Variants in PCDHA9 observed in about 807,000 individuals in gnomAD.
The protein encoded by PCDHA9 is protocadherin alpha-9.
PCDHA9 carries 62 observed loss-of-function variants against 62.0 expected under a neutral mutation model. The observed-to-expected ratio is 1.00, with a 90% CI of 0.81 to 1.23. The LOEUF is 1.23. Ranked by LOEUF, PCDHA9 falls within the 50% of genes most tolerant of loss-of-function variation. PCDHA9 has a pLI of 0.00. For missense variants in PCDHA9, 1,205 were observed against 1,249.8 expected, an observed-to-expected ratio of 0.96 and a Z score of 0.54; for synonymous variants, 557 against 567.6, an observed-to-expected ratio of 0.98 and a Z score of 0.27.
chr5:140,883,075 T>A (rs969917261), intron 1 of PCDHA9: 8 of 1,614,134 alleles, frequency 5.0e-6, no homozygotes, highest in Non-Finnish European at 6.8e-6. Flanking sequence ...CCACAGATCC[T>A]GATGATGGTA....
chr5:140,849,958 C>T lies in PCDHA9; in HGVS notation c.1463C>T (p.Ala488Val). 6.3e-7 allele frequency: 1 copy of T among 1,597,890 alleles called. No individual in the cohort carries two copies. Among genetic ancestry groups the T allele is most frequent in the South Asian group, 1.1e-5 (1 of 90,516 alleles). The stretch of plus-strand genomic sequence containing the variant: ...CGGGACGCTGACGCGCAGGAGAACG[C>T]CCTGGTGTCCTACTCGCTGGTGGAG... ...SARDADAQEN[A>V]LVSYSLVERR... The change falls in exon 1 of 4, where the codon GCC (alanine) becomes GTC (valine). Residue 488 changes from alanine to valine, a missense_variant. By Grantham distance (64) the Ala-to-Val change is moderately conservative. Around this residue, in one of 3 missense-constraint regions of PCDHA9, gnomAD observed 887 missense variants for 809.5 expected, o/e 1.10. Coordinates refer to ENST00000532602, the MANE Select transcript of PCDHA9 (RefSeq NM_031857.2).
intron 1 of PCDHA9, among the ~76,000 whole-genome samples, chr5:140,939,650 A>G (rs1203077314): frequency 1.3e-5 from 2 of 152,228 alleles, no homozygotes; most frequent in African/African-American, 2.4e-5. Flanking sequence ...GAAAACTTCA[A>G]TAACAGGAAT....
At chr5:140,881,993 A>C in intron 1 of PCDHA9, 1 of 454,088 alleles carries the variant, frequency 2.2e-6, no homozygotes, top group Non-Finnish European at 3.7e-6. Flanking sequence ...AATGTCAGGA[A>C]ATGCAAGGGG....
intron 1 of PCDHA9, among the ~76,000 whole-genome samples, chr5:140,891,891 A>G (rs1278331991): frequency 5.9e-5 from 9 of 152,214 alleles, no homozygotes; most frequent in Admixed American, 5.9e-4. Flanking sequence ...GTGACGATGC[A>G]GCAAGAAGAT....
intron 1 of PCDHA9, among the ~76,000 whole-genome samples, chr5:140,896,536 C>CTTTT (rs34213614): frequency 1.4e-5 from 2 of 145,620 alleles, no homozygotes; most frequent in Admixed American, 6.8e-5. Context: ...AGCTATTTTT[C>CTTTT]TTTTTTTTTT....
chr5:140,931,304 G>C (rs1218460625), intron 1 of PCDHA9, among the ~76,000 whole-genome samples: 1 of 152,056 alleles, frequency 6.6e-6, no homozygotes, highest in African/African-American at 2.4e-5. Context: ...CAAAAAGAGA[G>C]GAGAATACCA....
At position 140,894,665 on chromosome 5, in the gene PCDHA9, G is replaced by T. The variant is rs189476056; in HGVS notation, c.2394+43776G>T. Among the ~76,000 whole-genome samples, 418 of 151,474 alleles carry T rather than the reference G, an allele frequency of 2.8e-3. 2 individuals are homozygous for T. Among genetic ancestry groups the T allele is most frequent in the Middle Eastern group, 0.011 (3 of 280 alleles). On this transcript the variant is annotated intron_variant, in intron 1 of 3. Transcript: ENST00000532602. ...CTGAGTCTCTCTAATTCTGATTTGT[G>T]TATTCTTGCATAGCTTTTCATTATT...
chr5:140,986,246 C>T (rs561365390), intron 3 of PCDHA9, among the ~76,000 whole-genome samples: 1 of 152,178 alleles, frequency 6.6e-6, no homozygotes, highest in African/African-American at 2.4e-5. Flanking sequence ...TGAGCAGACC[C>T]GGACCACAGG....
chr5:140,862,620 G>T, intron 1 of PCDHA9: 1 of 528,384 alleles, frequency 1.9e-6, no homozygotes, highest in South Asian at 1.4e-5. Context: ...GTAACAACCC[G>T]CGGGGCTGCC....
chr5:140,909,249 G>A (rs1180498257), intron 1 of PCDHA9, among the ~76,000 whole-genome samples: 1 of 152,196 alleles, frequency 6.6e-6, no homozygotes, highest in Non-Finnish European at 1.5e-5. Flanking sequence ...TATATTGCTG[G>A]CCTTGCTGAC....
rs1162004111 is a variant in PCDHA9, at chr5:140,853,967, G to A, written c.2394+3078G>A. ...GAGGGTCCCTTCCTTGAGCCCAGCAGTTTGAGACCAATGTAGTGAGACTCA... is the reference window on the plus strand; with the variant it reads ...GAGGGTCCCTTCCTTGAGCCCAGCAATTTGAGACCAATGTAGTGAGACTCA... On this transcript the variant is annotated intron_variant, in intron 1 of 3. Coordinates refer to ENST00000532602, the MANE Select transcript of PCDHA9 (RefSeq NM_031857.2). The A allele has an allele frequency of 7.7e-6, 5 of 646,708 alleles. No homozygotes were observed. The East Asian group carries it at 4.0e-4, about 51-fold the overall frequency. The allele number at this position is 646,708 out of a possible 1,614,324, so 40.1% of individuals were successfully genotyped here.
chr5:140,869,221 A>G, intron 1 of PCDHA9: 1 of 1,613,848 alleles, frequency 6.2e-7, no homozygotes, highest in South Asian at 1.1e-5. Flanking sequence ...GGAGGAGGCC[A>G]AACACGGCAC....
At chr5:140,982,795 AT>A (rs2097005249) in intron 3 of PCDHA9, among the ~76,000 whole-genome samples, 1 of 151,516 alleles carries the variant, frequency 6.6e-6, no homozygotes, top group African/African-American at 2.4e-5. Flanking sequence ...GCATGTGTGC[AT>A]GTGTGTGTGT....
intron 1 of PCDHA9, among the ~76,000 whole-genome samples, chr5:140,896,879 G>A (rs1323456222): frequency 6.6e-6 from 1 of 151,976 alleles, no homozygotes; most frequent in Non-Finnish European, 1.5e-5. Context: ...TATTTATGGG[G>A]TATATGAGAC....
chr5:140,964,600 A>G (rs1322521285), intron 1 of PCDHA9, among the ~76,000 whole-genome samples: 1 of 152,104 alleles, frequency 6.6e-6, no homozygotes, highest in Non-Finnish European at 1.5e-5. Flanking sequence ...TTTCATGACA[A>G]CTTACAACTT....
chr5:140,855,813 T>A (rs2043631842), intron 1 of PCDHA9: 2 of 511,660 alleles, frequency 3.9e-6, no homozygotes. Flanking sequence ...AAAGAAAAGT[T>A]GTGAACTCAT....
At chr5:140,885,677 T>C (rs1554182236) in intron 1 of PCDHA9, among the ~76,000 whole-genome samples, 1 of 152,208 alleles carries the variant, frequency 6.6e-6, no homozygotes, top group African/African-American at 2.4e-5. Context: ...ACTCTTTCTA[T>C]CTCAAGAAGC....
intron 1 of PCDHA9, chr5:140,927,348 C>T (rs2153588187): frequency 1.2e-6 from 2 of 1,613,982 alleles, no homozygotes; most frequent in South Asian, 1.1e-5. Flanking sequence ...AAGATGACGA[C>T]GAGGGAAGCA....
chr5:140,877,037 C>T lies in PCDHA9; in HGVS notation c.2394+26148C>T, dbSNP rs782624599. ...AGCGGCAAGGTGTACGCGCTGCAGC[C>T]GCTAGACCACGAGGAGCTGGAGCTG... On this transcript the variant is annotated intron_variant, in intron 1 of 3. Transcript: ENST00000532602. 6.8e-6 allele frequency: 11 copies of T among 1,612,374 alleles called. No individual in the cohort carries two copies. Among genetic ancestry groups the T allele is most frequent in the Admixed American group, 5.0e-5 (3 of 59,998 alleles).
Sources: allele counts gnomAD v4.1 joint callset (sites outside exome capture counted in the v4.1 genomes callset), GRCh38; gene constraint gnomAD v4.1.1; regional missense constraint gnomAD v4.1.1; transcripts MANE v1.5; gene names NCBI Gene and HGNC (gene_info 2026-07-23, HGNC 2026-07-21).